Variants in RBM26 observed in about 807,000 individuals in gnomAD.
RBM26 encodes the protein RNA binding motif protein 26.
RBM26 carries 30 observed loss-of-function variants against 123.6 expected under a neutral mutation model. The observed-to-expected ratio is 0.24, with a 90% CI of 0.18 to 0.33. The LOEUF (loss-of-function observed/expected upper bound fraction) is 0.33, where lower values mean the gene tolerates loss of function less well. RBM26 is among the 10% of genes least tolerant of loss of function. The probability of loss-of-function intolerance (pLI) is 1.00; values close to 1 mark genes in which losing one functional copy is unlikely to be tolerated. For missense variants in RBM26, 947 were observed against 1,203.6 expected, an observed-to-expected ratio of 0.79 and a Z score of 3.15; for synonymous variants, 400 against 404.4, an observed-to-expected ratio of 0.99 and a Z score of 0.13.
intron 19 of RBM26, among the ~76,000 whole-genome samples, chr13:79,336,897 T>C (rs2070508931): frequency 6.6e-6 from 1 of 152,240 alleles, no homozygotes; most frequent in Non-Finnish European, 1.5e-5. Context: ...GCCTACTAAG[T>C]GTAAGAATAG....
intron 3 of RBM26, among the ~76,000 whole-genome samples, chr13:79,375,414 A>G (rs980853617): frequency 2.0e-5 from 3 of 151,602 alleles, no homozygotes; most frequent in African/African-American, 7.3e-5. Flanking sequence ...AAGGTGATCC[A>G]CCCGCCTCAG....
chr13:79,319,734 C>T lies in RBM26; in HGVS notation c.*887G>A. 1.0e-6 allele frequency: 1 copy of T among 983,462 alleles called. No homozygotes were observed. Among genetic ancestry groups the T allele is most frequent in the Non-Finnish European group, 1.2e-6 (1 of 828,536 alleles). 60.9% of individuals were successfully genotyped at this position (983,462 alleles called of 1,614,324 possible). On this transcript the variant is annotated 3_prime_UTR_variant, in exon 22 of 22. Coordinates refer to ENST00000438737, the MANE Select transcript of RBM26 (RefSeq NM_001366735.2). ...GACATTTGTTGAAAATTTATAGGAT[C>T]AAACCAAACTCAAGTGGTATAATTT...
At chr13:79,385,077 T>C (rs2077372261) in intron 1 of RBM26, among the ~76,000 whole-genome samples, 1 of 152,190 alleles carries the variant, frequency 6.6e-6, no homozygotes. Flanking sequence ...AACACGGATA[T>C]GCACCCACGT....
At chr13:79,356,661 T>C (rs2074053056) in intron 11 of RBM26, among the ~76,000 whole-genome samples, 1 of 152,192 alleles carries the variant, frequency 6.6e-6, no homozygotes, top group Non-Finnish European at 1.5e-5. Context: ...TTTAAGACTT[T>C]ATAAACATCA....
chr13:79,319,341 T>G lies in RBM26; in HGVS notation c.*1280A>C, dbSNP rs542811041. 2.0e-6 allele frequency: 2 copies of G among 982,896 alleles called. No individual in the cohort carries two copies. The highest frequency in any genetic ancestry group is 1.8e-5 in the African/African-American group (1 of 57,116). The allele number at this position is 982,896 out of a possible 1,614,324, so 60.9% of individuals were successfully genotyped here. A position where few individuals can be genotyped will look rare whatever the true frequency, so the allele number is the denominator to read the frequency against. ...AATCAAAATGATGAATTTGAAAATA[T>G]AAATATGTAATCTCCCACCCCCATT... On this transcript the variant is annotated 3_prime_UTR_variant, in exon 22 of 22. Transcript: ENST00000438737.
chr13:79,372,906 ATATTAC>A (rs1295334443), intron 3 of RBM26, among the ~76,000 whole-genome samples: 2,768 of 80,528 alleles, frequency 0.034, 585 homozygotes, highest in Middle Eastern at 0.085. Flanking sequence ...TATATCTTAT[ATATTAC>A]ATATTTTATA....
rs773954387 is a variant in RBM26 at position 79,344,325 on chromosome 13, A to G, written c.2185-3T>C. On this transcript the variant is annotated splice_polypyrimidine_tract_variant and splice_region_variant and intron_variant, in intron 15 of 21. Coordinates refer to ENST00000438737, the MANE Select transcript of RBM26 (RefSeq NM_001366735.2). ...TCCTGCTGAAGTTTCAATGCCTCCT[A>G]GAATCAGGGATCAAAAATATCATTA... 1.3e-6 allele frequency: 2 copies of G among 1,591,666 alleles called. No homozygotes were observed. The highest frequency in any genetic ancestry group is 4.5e-5 in the East Asian group (2 of 44,642).
chr13:79,401,213 G>A (rs1261656032), intron 1 of RBM26, among the ~76,000 whole-genome samples: 1 of 152,180 alleles, frequency 6.6e-6, no homozygotes, highest in Non-Finnish European at 1.5e-5. Context: ...GTAGTAACAA[G>A]TACAGGTGAA....
chr13:79,318,689 T>C (rs1053739170), downstream of RBM26: 8 of 590,054 alleles, frequency 1.4e-5, no homozygotes, highest in African/African-American at 6.1e-5. Flanking sequence ...AGAATATGTA[T>C]TTTCAGTTAC....
Position 79,391,570 on chromosome 13 carries a change from C to T in RBM26, c.72-12663G>A, listed in dbSNP as rs528990003. On this transcript the variant is annotated intron_variant, in intron 1 of 21. Transcript: ENST00000438737. The stretch of plus-strand genomic sequence containing the variant: ...TCCCCTGTAGCTGGGATTACAGGCG[C>T]CCACCACAACACCAGGCTGATTTTT... Among the ~76,000 whole-genome samples, 22 of 151,980 alleles carry T rather than the reference C, an allele frequency of 1.4e-4. No homozygotes were observed. The South Asian group carries it at 4.4e-3, about 30-fold the overall frequency.
rs1044637315 is a variant in RBM26, at chr13:79,342,693, G to A, written c.2398C>T (p.Leu800Phe). The A allele has an allele frequency of 6.2e-7, 1 of 1,608,638 alleles. No individual in the cohort carries two copies. The highest frequency in any genetic ancestry group is 8.5e-7 in the Non-Finnish European group (1 of 1,177,752). ...EVKAASPGRC[L>F]PKSIKTKTQM... ...GTCTTGGTTTTTATACTTTTTGGAA[G>A]ACAGCGTCCAGGAGAAGCAGCTTTG... Residue 800 changes from leucine to phenylalanine, a missense_variant, in exon 17 of 22, where the codon CTT becomes TTT. Physicochemically the swap from Leu to Phe is conservative, Grantham distance 22. This residue lies in a region of RBM26 where 493 missense variants were observed against 563.1 expected (regional missense o/e 0.88). Transcript: ENST00000438737.
At chr13:79,400,708 G>A (rs2078990795) in intron 1 of RBM26, among the ~76,000 whole-genome samples, 1 of 152,004 alleles carries the variant, frequency 6.6e-6, no homozygotes, top group Admixed American at 6.6e-5. Context: ...AACACATTAG[G>A]GATTCAAGGC....
chr13:79,377,211 G>T, intron 3 of RBM26, 168 bp downstream of exon 3: 2 of 539,388 alleles, frequency 3.7e-6, no homozygotes, highest in Non-Finnish European at 6.5e-6. Context: ...ATAAGCCAGG[G>T]CCATAAGCAC....
intron 20 of RBM26, among the ~76,000 whole-genome samples, chr13:79,325,889 T>A (rs1486085492): frequency 6.6e-6 from 1 of 152,194 alleles, no homozygotes; most frequent in Non-Finnish European, 1.5e-5. Context: ...TGTTTTATCT[T>A]TTATACCCTA....
downstream of RBM26, among the ~76,000 whole-genome samples, chr13:79,315,709 G>A (rs528738315): frequency 1.3e-5 from 2 of 151,920 alleles, no homozygotes; most frequent in Non-Finnish European, 2.9e-5. Flanking sequence ...ACATAATATG[G>A]ATAAACTGCA....
chr13:79,365,811 A>G, intron 8 of RBM26, 93 bp from the exon 9 acceptor site: 1 of 1,126,252 alleles, frequency 8.9e-7, no homozygotes, highest in Non-Finnish European at 1.3e-6. Flanking sequence ...ACAATATAAC[A>G]TATTAACATA....
At chr13:79,398,565 C>T (rs1212762215) in intron 1 of RBM26, among the ~76,000 whole-genome samples, 5 of 152,132 alleles carry the variant, frequency 3.3e-5, no homozygotes, top group African/African-American at 9.7e-5. Context: ...AACTCTTCTA[C>T]CAGCTATAAA....
intron 1 of RBM26, among the ~76,000 whole-genome samples, chr13:79,398,375 A>C (rs1033381166): frequency 6.6e-6 from 1 of 152,218 alleles, no homozygotes; most frequent in African/African-American, 2.4e-5. Context: ...TCAGCCAAAG[A>C]TAAGGAAGTG....
chr13:79,312,495 G>C (rs1482158982), exon 5 of RBM26: 1 of 151,938 alleles, frequency 6.6e-6, no homozygotes, highest in Non-Finnish European at 1.5e-5. Flanking sequence ...CAAATGTTCC[G>C]TAAATATTTA....
Sources: gnomAD v4.1 joint callset for allele counts (sites outside exome capture counted in the v4.1 genomes callset) on GRCh38, gnomAD v4.1.1 for gene constraint, gnomAD v4.1.1 regional missense constraint, MANE v1.5 for transcripts, NCBI Gene and HGNC (gene_info 2026-07-23, HGNC 2026-07-21) for gene names.